The following SGCZ variants were observed in gnomAD, a reference collection of about 807,000 sequenced individuals.
SGCZ encodes sarcoglycan zeta.
A neutral mutation model predicts 41.3 loss-of-function variants in SGCZ; 40 were observed. The observed-to-expected ratio is 0.97, with a 90% CI of 0.75 to 1.26. The LOEUF (loss-of-function observed/expected upper bound fraction) is 1.26, where lower values mean the gene tolerates loss of function less well. Among genes scored for constraint, SGCZ ranks in the 50% most tolerant of loss-of-function variants. The pLI, the probability that SGCZ is intolerant of heterozygous loss-of-function variation, is 0.00. For missense variants in SGCZ, 552 were observed against 369.8 expected, an observed-to-expected ratio of 1.49 and a Z score of -4.04; for synonymous variants, 206 against 137.5, an observed-to-expected ratio of 1.50 and a Z score of -3.49.
intron 5 of SGCZ, among the ~76,000 whole-genome samples, chr8:14,155,664 A>G (rs1187677355): frequency 1.3e-5 from 2 of 150,818 alleles, no homozygotes; most frequent in African/African-American, 2.4e-5. Flanking sequence ...AAAGATTTTT[A>G]TTTTATTCAA....
intron 1 of SGCZ, among the ~76,000 whole-genome samples, chr8:15,009,175 A>G (rs1246437855): frequency 6.6e-6 from 1 of 152,194 alleles, no homozygotes; most frequent in Non-Finnish European, 1.5e-5. Flanking sequence ...GCTTACACAG[A>G]CTGTACAGGA....
intron 1 of SGCZ, among the ~76,000 whole-genome samples, chr8:14,592,088 C>T (rs1805259478): frequency 6.6e-6 from 1 of 152,110 alleles, no homozygotes; most frequent in African/African-American, 2.4e-5. Context: ...TGAAAAATGT[C>T]AATGCCAGGA....
intron 1 of SGCZ, among the ~76,000 whole-genome samples, chr8:15,033,278 G>T (rs964370158): frequency 6.6e-6 from 1 of 151,918 alleles, no homozygotes; most frequent in Admixed American, 6.6e-5. Flanking sequence ...CTCCAGGTCA[G>T]CCCCAGAATA....
intron 5 of SGCZ, among the ~76,000 whole-genome samples, chr8:14,157,517 T>C (rs1339382399): frequency 6.6e-6 from 1 of 151,306 alleles, no homozygotes; most frequent in Admixed American, 6.6e-5. Flanking sequence ...GATAATACTA[T>C]TTTTACCAAG....
intron 4 of SGCZ, among the ~76,000 whole-genome samples, chr8:14,210,082 G>A (rs1436497981): frequency 6.6e-6 from 1 of 152,094 alleles, no homozygotes; most frequent in Non-Finnish European, 1.5e-5. Context: ...CTTTGAGACA[G>A]GGTCTCACTC....
chr8:15,064,348 T>G (rs962643430), intron 1 of SGCZ, among the ~76,000 whole-genome samples: 4 of 152,114 alleles, frequency 2.6e-5, no homozygotes, highest in Non-Finnish European at 4.4e-5. Flanking sequence ...AACCCTACAA[T>G]TTATCTACTC....
Position 15,010,335 on chromosome 8 carries a change from T to A in SGCZ, c.39+227250A>T, listed in dbSNP as rs79933861. On this transcript the variant is annotated intron_variant, in intron 1 of 7. Transcript: ENST00000382080. Reference sequence around the variant, plus strand: ...AGTTTCTGCAATTTTACAAAAGATATAATTCTACCTCATCTATCATTTATA... The same window carrying A: ...AGTTTCTGCAATTTTACAAAAGATAAAATTCTACCTCATCTATCATTTATA... 3.3e-5 allele frequency among the ~76,000 whole-genome samples: 5 copies of A among 152,340 alleles called. No individual in the cohort carries two copies. The East Asian group carries it at 7.7e-4, about 23-fold the overall frequency.
chr8:14,578,172 A>T (rs1307982008), intron 1 of SGCZ, among the ~76,000 whole-genome samples: 1 of 152,228 alleles, frequency 6.6e-6, no homozygotes, highest in Non-Finnish European at 1.5e-5. Flanking sequence ...TTTGGTGATA[A>T]AAAGAGAAAT....
intron 1 of SGCZ, among the ~76,000 whole-genome samples, chr8:15,112,888 C>A (rs1199612705): frequency 1.3e-5 from 2 of 152,088 alleles, no homozygotes; most frequent in African/African-American, 4.8e-5. Flanking sequence ...ACAATTGTTG[C>A]TGTTTGAAGT....
chr8:15,190,458 G>C (rs925149477), intron 1 of SGCZ, among the ~76,000 whole-genome samples: 2 of 152,080 alleles, frequency 1.3e-5, no homozygotes, highest in African/African-American at 2.4e-5. Flanking sequence ...TCAAGTGACA[G>C]TCTAGTCAGA....
At chr8:14,149,571 A>G (rs997910722) in intron 5 of SGCZ, among the ~76,000 whole-genome samples, 1 of 151,968 alleles carries the variant, frequency 6.6e-6, no homozygotes, top group Non-Finnish European at 1.5e-5. Context: ...CGGAAGAATC[A>G]ATGTTGTTAA....
At chr8:14,110,414 G>A (rs972257378) in intron 5 of SGCZ, among the ~76,000 whole-genome samples, 2 of 151,994 alleles carry the variant, frequency 1.3e-5, no homozygotes, top group Non-Finnish European at 2.9e-5. Flanking sequence ...CTCTATCAGT[G>A]AAAATAAAAA....
At chr8:15,088,485 A>G (rs190472593) in intron 1 of SGCZ, among the ~76,000 whole-genome samples, 3 of 152,288 alleles carry the variant, frequency 2.0e-5, no homozygotes, top group African/African-American at 7.2e-5. Flanking sequence ...TTGTTCAAAA[A>G]AGCACAACTG....
chr8:14,715,662 T>C (rs1000268745), intron 1 of SGCZ, among the ~76,000 whole-genome samples: 5 of 152,128 alleles, frequency 3.3e-5, no homozygotes, highest in African/African-American at 9.7e-5. Flanking sequence ...AGGAAAAGCC[T>C]ACTACACTTT....
chr8:14,920,547 C>G (rs896521011), intron 1 of SGCZ, among the ~76,000 whole-genome samples: 1 of 151,906 alleles, frequency 6.6e-6, no homozygotes, highest in Non-Finnish European at 1.5e-5. Context: ...GCTCCATAGA[C>G]TGGAGGGTAA....
Position 15,208,900 on chromosome 8 carries a change from T to TAGAGAG in SGCZ, c.39+28684_39+28685insCTCTCT, listed in dbSNP as rs758727806. 8.8e-4 allele frequency among the ~76,000 whole-genome samples: 114 copies of TAGAGAG among 129,348 alleles called. 1 individual carries two copies. Among genetic ancestry groups the TAGAGAG allele is most frequent in the Non-Finnish European group, 9.0e-4 (52 of 57,770 alleles). 84.9% of individuals were successfully genotyped at this position (129,348 alleles called of 152,430 possible). A position where few individuals can be genotyped will look rare whatever the true frequency, so the allele number is the denominator to read the frequency against. ...ATATACACATATCCCTATACATATA[T>TAGAGAG]ATAGAGAGAGAGAGAGAGAGAGAAT... On this transcript the variant is annotated intron_variant, in intron 1 of 7. Transcript: ENST00000382080.
At chr8:14,870,710 A>C (rs1804116557) in intron 1 of SGCZ, among the ~76,000 whole-genome samples, 1 of 151,946 alleles carries the variant, frequency 6.6e-6, no homozygotes, top group African/African-American at 2.4e-5. Context: ...TAATATACAG[A>C]ATCTTAAACA....
chr8:15,139,558 G>C lies in SGCZ; in HGVS notation c.39+98027C>G, dbSNP rs140058711. Among the ~76,000 whole-genome samples the C allele has an allele frequency of 1.5e-3, 228 of 152,168 alleles. 1 individual carries two copies. The highest frequency in any genetic ancestry group is 5.3e-3 in the African/African-American group (219 of 41,524). On this transcript the variant is annotated intron_variant, in intron 1 of 7. Transcript: ENST00000382080. ...CATGGCACTATAAGAAACCTATAGA[G>C]AGTAAAATGGTTACCACAGTGAAGC... is the stretch of plus-strand genomic sequence containing the variant.
chr8:14,570,678 A>T (rs7017631), intron 1 of SGCZ, among the ~76,000 whole-genome samples: 1 of 152,204 alleles, frequency 6.6e-6, no homozygotes, highest in Non-Finnish European at 1.5e-5. Flanking sequence ...AGAACAAAGT[A>T]CTGAAAAATG....
Sources: gnomAD v4.1 joint callset for allele counts (sites outside exome capture counted in the v4.1 genomes callset) on GRCh38, gnomAD v4.1.1 for gene constraint, MANE v1.5 for transcripts, NCBI Gene and HGNC (gene_info 2026-07-23, HGNC 2026-07-21) for gene names.